The following ATP9B variants were observed in gnomAD, a reference collection of about 807,000 sequenced individuals.
ATP9B encodes the protein probable phospholipid-transporting ATPase IIB.
A neutral mutation model predicts 146.1 loss-of-function variants in ATP9B; 110 were observed. The observed-to-expected ratio is 0.75, with a 90% CI of 0.65 to 0.88. The LOEUF is 0.88. Among genes scored for constraint, ATP9B ranks in the 40% least tolerant of loss-of-function variants. The probability of loss-of-function intolerance (pLI) is 0.00; values close to 1 mark genes in which losing one functional copy is unlikely to be tolerated. For missense variants in ATP9B, 1,499 were observed against 1,496.4 expected (o/e 1.00, Z -0.03); for synonymous variants, 604 against 569.7 (o/e 1.06, Z -0.86).
At chr18:79,210,298 A>G (rs1342406921) in intron 10 of ATP9B, among the ~76,000 whole-genome samples, 1 of 152,206 alleles carries the variant, frequency 6.6e-6, no homozygotes, top group Non-Finnish European at 1.5e-5. Context: ...TGGGCTCTCT[A>G]AGGCAAGGTT....
intron 11 of ATP9B, among the ~76,000 whole-genome samples, chr18:79,229,579 G>T (rs1001699324): frequency 1.3e-5 from 2 of 152,166 alleles, no homozygotes; most frequent in South Asian, 2.1e-4. Context: ...CGTCTCCCCC[G>T]TCCTTTGGAG....
intron 15 of ATP9B, among the ~76,000 whole-genome samples, chr18:79,317,072 T>C (rs1256841898): frequency 6.6e-6 from 1 of 152,220 alleles, no homozygotes; most frequent in Admixed American, 6.5e-5. Flanking sequence ...TGACTCCATA[T>C]AAATCTGAGT....
intron 9 of ATP9B, among the ~76,000 whole-genome samples, chr18:79,197,682 G>A (rs995153612): frequency 1.3e-5 from 2 of 151,548 alleles, no homozygotes; most frequent in Non-Finnish European, 2.9e-5. Flanking sequence ...TGCTAAAGTG[G>A]GATCAACTGG....
chr18:79,345,892 C>A, intron 23 of ATP9B, 53 bp downstream of exon 23: 1 of 1,588,908 alleles, frequency 6.3e-7, no homozygotes, highest in Admixed American at 1.7e-5. Flanking sequence ...CACATCAACA[C>A]GACTCAGCAC....
In ATP9B at chr18:79,277,050, G is replaced by T; in HGVS notation, c.1269-4G>T. On this transcript the variant is annotated splice_region_variant and splice_polypyrimidine_tract_variant and intron_variant, in intron 12 of 29. Coordinates refer to ENST00000426216, the MANE Select transcript of ATP9B (RefSeq NM_198531.5). Reference sequence around the variant, plus strand: ...TAACCACTGCAATGGGTTTTATTTGGCAGTTTGCGTGTGAACTTGGACATG... The same window carrying T: ...TAACCACTGCAATGGGTTTTATTTGTCAGTTTGCGTGTGAACTTGGACATG... 6.2e-7 allele frequency: 1 copy of T among 1,614,060 alleles called. No homozygotes were observed. Among genetic ancestry groups the T allele is most frequent in the Non-Finnish European group, 8.5e-7 (1 of 1,179,978 alleles).
At chr18:79,118,390 G>GTTTTTTTTT (rs752788043) in intron 4 of ATP9B, among the ~76,000 whole-genome samples, 5 of 93,276 alleles carry the variant, frequency 5.4e-5, no homozygotes, top group Non-Finnish European at 8.7e-5. Context: ...GAACGTTTTT[G>GTTTTTTTTT]TTTTTTTTTT....
intron 5 of ATP9B, among the ~76,000 whole-genome samples, chr18:79,128,762 C>T (rs2094330301): frequency 2.6e-5 from 4 of 152,284 alleles, no homozygotes; most frequent in African/African-American, 7.2e-5. Context: ...GAGTTGGCGG[C>T]TCCATATGCC....
intron 1 of ATP9B, among the ~76,000 whole-genome samples, chr18:79,079,829 TGTAAG>T (rs1196083406): frequency 1.3e-5 from 2 of 152,198 alleles, no homozygotes; most frequent in Non-Finnish European, 2.9e-5. Flanking sequence ...TCGTATAAGT[TGTAAG>T]GAAGGGGTCC....
chr18:79,123,328 G>A lies in ATP9B; in HGVS notation c.559-2939G>A, dbSNP rs552724482. On this transcript the variant is annotated intron_variant, in intron 4 of 29. Transcript: ENST00000426216. Reference sequence around the variant, plus strand: ...ATTCCATTTATAATCTCATCAAAAAGAAAATTATAGGAATAAGCTTAAAGC... The same window carrying A: ...ATTCCATTTATAATCTCATCAAAAAAAAAATTATAGGAATAAGCTTAAAGC... Among the ~76,000 whole-genome samples the A allele has an allele frequency of 8.9e-4, 135 of 151,830 alleles. 1 individual carries two copies. In the East Asian group the frequency reaches 0.01, roughly 11 times the overall value.
At chr18:79,188,262 A>C (rs188987994) in intron 8 of ATP9B, among the ~76,000 whole-genome samples, 8 of 152,344 alleles carry the variant, frequency 5.3e-5, no homozygotes, top group African/African-American at 1.7e-4. Flanking sequence ...GGAAAATAAG[A>C]GCTCTTAGAA....
At chr18:79,162,227 T>C (rs2094893873) in intron 7 of ATP9B, among the ~76,000 whole-genome samples, 1 of 152,212 alleles carries the variant, frequency 6.6e-6, no homozygotes, top group African/African-American at 2.4e-5. Context: ...GCTGGGTGCT[T>C]GTCAGTACAG....
At chr18:79,094,829 T>A (rs148242094) in intron 1 of ATP9B, among the ~76,000 whole-genome samples, 153 of 152,310 alleles carry the variant, frequency 1.0e-3, no homozygotes, top group South Asian at 6.4e-3. Flanking sequence ...ACTGGAGGTC[T>A]GAAAGGAGGA....
intron 17 of ATP9B, chr18:79,332,994 A>C (rs1208881549): frequency 6.6e-6 from 1 of 152,224 alleles, no homozygotes; most frequent in Admixed American, 6.5e-5. Context: ...AGAAATTGCA[A>C]ATAATATGAA....
intron 13 of ATP9B, among the ~76,000 whole-genome samples, chr18:79,280,653 T>C (rs1599554732): frequency 6.6e-6 from 1 of 152,186 alleles, no homozygotes; most frequent in Non-Finnish European, 1.5e-5. Context: ...TATGGACATA[T>C]ATAGAGTTAC....
intron 25 of ATP9B, chr18:79,353,899 C>A (rs776306591): frequency 3.9e-5 from 6 of 152,130 alleles, no homozygotes; most frequent in Non-Finnish European, 8.8e-5. Flanking sequence ...GGAAGTACAA[C>A]AGTGTTGTAC....
Position 79,303,730 on chromosome 18 carries a change from T to G in ATP9B, c.1524+14T>G. ...TCCTACTCACAGGTAAGTGGGTTCCTCCTGCACGGGGTCTGCTTCCACACA... is the reference window on the plus strand; with the variant it reads ...TCCTACTCACAGGTAAGTGGGTTCCGCCTGCACGGGGTCTGCTTCCACACA... On this transcript the variant is annotated intron_variant, in intron 14 of 29. Coordinates refer to ENST00000426216, the MANE Select transcript of ATP9B (RefSeq NM_198531.5). 1 of 1,598,874 alleles carries G rather than the reference T, an allele frequency of 6.3e-7. No homozygotes were observed. The highest frequency in any genetic ancestry group is 8.6e-7 in the Non-Finnish European group (1 of 1,167,118).
intron 15 of ATP9B, among the ~76,000 whole-genome samples, chr18:79,327,637 C>CGTGTTTAG (rs2096760630): frequency 2.2e-5 from 3 of 134,130 alleles, no homozygotes; most frequent in African/African-American, 8.6e-5. Flanking sequence ...GTGTGCCCTC[C>CGTGTTTAG]CTGGTTAGCA....
intron 25 of ATP9B, among the ~76,000 whole-genome samples, chr18:79,350,618 G>A (rs892510520): frequency 1.3e-5 from 2 of 152,226 alleles, no homozygotes; most frequent in African/African-American, 4.8e-5. Context: ...GGTAGGATTT[G>A]TGCTAATATT....
chr18:79,093,124 TA>T (rs1304855324), intron 1 of ATP9B, among the ~76,000 whole-genome samples: 1 of 152,240 alleles, frequency 6.6e-6, no homozygotes, highest in Admixed American at 6.5e-5. Context: ...TCAGCTTCCT[TA>T]TTATGGGACC....
Sources: gnomAD v4.1 joint callset for allele counts (sites outside exome capture counted in the v4.1 genomes callset) on GRCh38, gnomAD v4.1.1 for gene constraint, MANE v1.5 for transcripts, NCBI Gene and HGNC (gene_info 2026-07-23, HGNC 2026-07-21) for gene names.